DLC1: variants seen among roughly 807,000 people sequenced by gnomAD.
DLC1 encodes the protein DLC1 Rho GTPase activating protein, also known as rho GTPase-activating protein 7.
A neutral mutation model predicts 140.3 loss-of-function variants in DLC1; 54 were observed. The ratio of observed to expected loss-of-function variants is 0.38; its 90% CI spans 0.31 to 0.48. The LOEUF is 0.48. DLC1 is among the 20% of genes least tolerant of loss of function. DLC1 has a pLI of 0.96. For missense variants in DLC1, 2,536 were observed against 1,907.0 expected, an observed-to-expected ratio of 1.33 and a Z score of -6.14; for synonymous variants, 986 against 728.1, an observed-to-expected ratio of 1.35 and a Z score of -5.70.
At chr8:13,129,958 A>G (rs1320950048) in intron 5 of DLC1, among the ~76,000 whole-genome samples, 1 of 152,074 alleles carries the variant, frequency 6.6e-6, no homozygotes, top group African/African-American at 2.4e-5. Context: ...TGTTGCTAGG[A>G]AGGAGAGTGA....
At chr8:13,482,495 G>T (rs553935879) in intron 2 of DLC1, among the ~76,000 whole-genome samples, 1 of 152,258 alleles carries the variant, frequency 6.6e-6, no homozygotes, top group South Asian at 2.1e-4. Flanking sequence ...ATAATTTAAA[G>T]CTTGGAATTG....
At chr8:13,447,465 T>G (rs1037101206) in intron 2 of DLC1, among the ~76,000 whole-genome samples, 1 of 152,320 alleles carries the variant, frequency 6.6e-6, no homozygotes, top group African/African-American at 2.4e-5. Context: ...TATTTTATTG[T>G]TATTAACCAG....
At chr8:13,441,027 C>A (rs1031364185) in intron 2 of DLC1, among the ~76,000 whole-genome samples, 1 of 152,150 alleles carries the variant, frequency 6.6e-6, no homozygotes. Context: ...GTGATTTTAA[C>A]AGCCAAACAG....
upstream of DLC1, among the ~76,000 whole-genome samples, chr8:13,517,802 G>C (rs1418331618): frequency 1.3e-5 from 2 of 152,220 alleles, no homozygotes; most frequent in Non-Finnish European, 2.9e-5. Context: ...TTTGTGACCT[G>C]TGTGAGTTAC....
chr8:13,444,581 T>A (rs191747261), intron 2 of DLC1, among the ~76,000 whole-genome samples: 1 of 152,314 alleles, frequency 6.6e-6, no homozygotes, highest in East Asian at 1.9e-4. Flanking sequence ...AGTATAATTT[T>A]AAAAAATCTT....
chr8:13,257,408 G>C (rs947458992), intron 5 of DLC1, among the ~76,000 whole-genome samples: 2 of 140,744 alleles, frequency 1.4e-5, no homozygotes, highest in Admixed American at 7.6e-5. Context: ...CTGCACAGTA[G>C]CCTGGGTGAC....
intron 4 of DLC1, among the ~76,000 whole-genome samples, chr8:13,305,896 A>G (rs1832401653): frequency 6.6e-6 from 1 of 152,210 alleles, no homozygotes; most frequent in Non-Finnish European, 1.5e-5. Flanking sequence ...GAATTGGGGT[A>G]GAATTTTTGT....
chr8:13,431,477 C>T (rs551716424), intron 2 of DLC1, among the ~76,000 whole-genome samples: 12 of 83,980 alleles, frequency 1.4e-4, no homozygotes, highest in South Asian at 4.6e-4. Context: ...AGCGAGACTC[C>T]GTCTCAAAAA....
At chr8:13,186,933 T>C (rs1479966576) in intron 5 of DLC1, among the ~76,000 whole-genome samples, 3 of 152,332 alleles carry the variant, frequency 2.0e-5, no homozygotes, top group African/African-American at 7.2e-5. Flanking sequence ...CTGTTGGAGT[T>C]TGCTGGAGTT....
intron 4 of DLC1, among the ~76,000 whole-genome samples, chr8:13,362,629 G>T (rs572547599): frequency 6.6e-6 from 1 of 151,866 alleles, no homozygotes; most frequent in Admixed American, 6.6e-5. Flanking sequence ...TGTTAATCTT[G>T]TTACTAAAAC....
intron 5 of DLC1, among the ~76,000 whole-genome samples, chr8:13,216,714 T>C (rs1828216470): frequency 6.6e-6 from 1 of 152,158 alleles, no homozygotes; most frequent in African/African-American, 2.4e-5. Context: ...TGTCAACTGA[T>C]TCTTTGTTGT....
chr8:13,489,627 A>G (rs574433507), intron 2 of DLC1, among the ~76,000 whole-genome samples: 9 of 151,928 alleles, frequency 5.9e-5, no homozygotes, highest in Non-Finnish European at 1.3e-4. Flanking sequence ...AACTTACAAG[A>G]TTAGAAAGAT....
chr8:13,221,475 A>G lies in DLC1; in HGVS notation c.1348+83794T>C, dbSNP rs568684863. 3.6e-4 allele frequency among the ~76,000 whole-genome samples: 54 copies of G among 150,682 alleles called. 1 individual carries two copies. In the South Asian group the frequency reaches 4.6e-3, roughly 13 times the overall value. Reference sequence around the variant, plus strand: ...ACCTTCCAACTCCTGGGTTCAAGCTATTCTCCTGTCTCAGCCTCCTGAGTA... The same window carrying G: ...ACCTTCCAACTCCTGGGTTCAAGCTGTTCTCCTGTCTCAGCCTCCTGAGTA... On this transcript the variant is annotated intron_variant, in intron 5 of 17. Transcript: ENST00000276297.
At chr8:13,312,682 A>G (rs1045982488) in intron 4 of DLC1, among the ~76,000 whole-genome samples, 2 of 152,132 alleles carry the variant, frequency 1.3e-5, no homozygotes, top group African/African-American at 2.4e-5. Context: ...AGTACTGCAT[A>G]TTAATATATT....
At chr8:13,243,931 G>A (rs1018522841) in intron 5 of DLC1, among the ~76,000 whole-genome samples, 2 of 152,122 alleles carry the variant, frequency 1.3e-5, no homozygotes, top group Non-Finnish European at 2.9e-5. Flanking sequence ...CTGGGGTTGT[G>A]TATCTGTGGA....
chr8:13,327,013 G>A (rs1833378600), intron 4 of DLC1, among the ~76,000 whole-genome samples: 1 of 151,918 alleles, frequency 6.6e-6, no homozygotes, highest in African/African-American at 2.4e-5. Context: ...GGAGTGCAGT[G>A]GCACGATCTT....
intron 5 of DLC1, among the ~76,000 whole-genome samples, chr8:13,220,872 T>G (rs977994945): frequency 1.3e-5 from 2 of 152,106 alleles, no homozygotes; most frequent in Non-Finnish European, 2.9e-5. Flanking sequence ...TTGGAAAGGG[T>G]GACTGTGGGC....
rs1220254791 is a variant in DLC1 at position 13,499,715 on chromosome 8, T to C, written c.357A>G (p.Leu119=). The C allele has an allele frequency of 6.2e-7, 1 of 1,614,188 alleles. No individual in the cohort carries two copies. The highest frequency in any genetic ancestry group is 8.5e-7 in the Non-Finnish European group (1 of 1,180,016). Residue 119 remains leucine (L), a synonymous_variant, in exon 2 of 18, where the codon TTA becomes TTG. Transcript: ENST00000276297. ...AAACCTGTTTATCATCTGTAAGGCA[T>C]AAATCAGCATTGTTATCCTCATCAG... ...HVSDEDNNAD[L]CLTDDKQVLN...
rs1010459367 is a variant in DLC1 at position 13,574,823 on chromosome 8, T to C, written c.-126+29714A>G. 3.3e-5 allele frequency among the ~76,000 whole-genome samples: 5 copies of C among 152,280 alleles called. No homozygotes were observed. In the East Asian group the frequency reaches 7.7e-4, roughly 24 times the overall value. On this transcript the variant is annotated intron_variant, in intron 1 of 1. Transcript: ENST00000631382. Reference sequence around the variant, plus strand: ...TTCAAATTCCAGCCTCAGAACTGTTTAGGAATGTCTGGGACCCAGCTTAGA... The same window carrying C: ...TTCAAATTCCAGCCTCAGAACTGTTCAGGAATGTCTGGGACCCAGCTTAGA...
Sources: allele counts gnomAD v4.1 joint callset (sites outside exome capture counted in the v4.1 genomes callset), GRCh38; gene constraint gnomAD v4.1.1; transcripts MANE v1.5; gene names NCBI Gene and HGNC (gene_info 2026-07-23, HGNC 2026-07-21).